DLG2: variants seen among roughly 807,000 people sequenced by gnomAD.
DLG2 encodes the protein discs large MAGUK scaffold protein 2.
DLG2 carries 45 observed loss-of-function variants against 132.5 expected under a neutral mutation model. The ratio of observed to expected loss-of-function variants is 0.34; its 90% CI spans 0.27 to 0.44. The LOEUF (loss-of-function observed/expected upper bound fraction) is 0.44, where lower values mean the gene tolerates loss of function less well. Among genes scored for constraint, DLG2 ranks in the 20% least tolerant of loss-of-function variants. The pLI, the probability that DLG2 is intolerant of heterozygous loss-of-function variation, is 1.00. For missense variants in DLG2, 1,045 were observed against 1,196.9 expected, an observed-to-expected ratio of 0.87 and a Z score of 1.87; for synonymous variants, 424 against 419.6, an observed-to-expected ratio of 1.01 and a Z score of -0.13.
chr11:84,840,910 G>A (rs573150887), intron 6 of DLG2, among the ~76,000 whole-genome samples: 1 of 151,256 alleles, frequency 6.6e-6, no homozygotes, highest in East Asian at 2.0e-4. Flanking sequence ...AATGGGTACA[G>A]CACACCAACA....
intron 11 of DLG2, among the ~76,000 whole-genome samples, chr11:83,999,502 T>C (rs545548650): frequency 5.3e-5 from 8 of 152,270 alleles, no homozygotes; most frequent in African/African-American, 1.9e-4. Context: ...CCCACCTGCC[T>C]GGCTCACTGC....
At chr11:84,222,359 T>C (rs1375485368) in intron 8 of DLG2, among the ~76,000 whole-genome samples, 1 of 152,162 alleles carries the variant, frequency 6.6e-6, no homozygotes, top group Non-Finnish European at 1.5e-5. Context: ...TAAATATTAC[T>C]TTCTGATGAC....
intron 6 of DLG2, among the ~76,000 whole-genome samples, chr11:85,017,439 T>C (rs976298549): frequency 6.6e-6 from 1 of 152,066 alleles, no homozygotes; most frequent in East Asian, 1.9e-4. Context: ...AAATTAATGA[T>C]GACCTTCTCT....
At chr11:83,786,552 GA>G in intron 18 of DLG2, 137 bp downstream of exon 18, 1 of 701,532 alleles carries the variant, frequency 1.4e-6, no homozygotes, top group Middle Eastern at 2.5e-4. Flanking sequence ...CTTTGGACAT[GA>G]ACCATCAATT....
intron 5 of DLG2, among the ~76,000 whole-genome samples, chr11:85,121,444 C>T (rs2074304258): frequency 6.6e-6 from 1 of 151,354 alleles, no homozygotes; most frequent in African/African-American, 2.4e-5. Flanking sequence ...AAATACCATG[C>T]TATATTAAAT....
At chr11:85,176,181 G>A (rs1337182961) in intron 4 of DLG2, among the ~76,000 whole-genome samples, 4 of 152,118 alleles carry the variant, frequency 2.6e-5, no homozygotes, top group African/African-American at 9.7e-5. Flanking sequence ...AAAGAACAAA[G>A]CTGGAGACAT....
At chr11:84,842,137 C>T (rs2080776574) in intron 6 of DLG2, among the ~76,000 whole-genome samples, 1 of 151,974 alleles carries the variant, frequency 6.6e-6, no homozygotes, top group Non-Finnish European at 1.5e-5. Context: ...TTCCCAGTCT[C>T]AGAATCATGA....
chr11:84,653,238 G>T (rs1158291678), intron 6 of DLG2, among the ~76,000 whole-genome samples: 1 of 152,082 alleles, frequency 6.6e-6, no homozygotes, highest in Non-Finnish European at 1.5e-5. Flanking sequence ...CCCAATATTA[G>T]ATTTTTAATA....
chr11:85,408,471 G>T (rs181515816), intron 3 of DLG2, among the ~76,000 whole-genome samples: 1 of 151,064 alleles, frequency 6.6e-6, no homozygotes, highest in African/African-American at 2.4e-5. Flanking sequence ...ATGTATACAT[G>T]TGACATGCTG....
At chr11:84,426,322 A>G (rs1251671652) in intron 7 of DLG2, among the ~76,000 whole-genome samples, 2 of 152,100 alleles carry the variant, frequency 1.3e-5, no homozygotes, top group Admixed American at 6.6e-5. Context: ...CCTAAACCTC[A>G]TATTACCTGG....
intron 6 of DLG2, among the ~76,000 whole-genome samples, chr11:84,540,771 C>G (rs1044381208): frequency 1.3e-4 from 20 of 152,016 alleles, no homozygotes; most frequent in African/African-American, 3.9e-4. Context: ...ATTCACAATA[C>G]CAAAGACTTG....
At chr11:83,654,161 C>T (rs1488406077) in intron 18 of DLG2, among the ~76,000 whole-genome samples, 1 of 152,148 alleles carries the variant, frequency 6.6e-6, no homozygotes, top group Non-Finnish European at 1.5e-5. Context: ...CCACTTCTCA[C>T]CCAATCTGGT....
At position 85,400,070 on chromosome 11, in the gene DLG2, C is replaced by T. The variant is rs574824479; in HGVS notation, c.41-114705G>A. ...TAATATCCAGAATCTACAAAGAACTCAAACAAATTTACAAGAAAAAAACAA... is the reference window on the plus strand; with the variant it reads ...TAATATCCAGAATCTACAAAGAACTTAAACAAATTTACAAGAAAAAAACAA... On this transcript the variant is annotated intron_variant, in intron 3 of 27. Coordinates refer to ENST00000376104, the MANE Select transcript of DLG2 (RefSeq NM_001142699.3). 1.5e-3 allele frequency among the ~76,000 whole-genome samples: 227 copies of T among 151,738 alleles called. 1 individual carries two copies. The Middle Eastern group carries it at 0.027, about 18-fold the overall frequency.
intron 7 of DLG2, among the ~76,000 whole-genome samples, chr11:84,459,108 A>T (rs566907240): frequency 6.6e-6 from 1 of 150,626 alleles, no homozygotes; most frequent in African/African-American, 2.4e-5. Context: ...TATGACATGG[A>T]TCTAACAATT....
At chr11:84,939,178 T>C (rs1486881334) in intron 6 of DLG2, among the ~76,000 whole-genome samples, 2 of 152,098 alleles carry the variant, frequency 1.3e-5, no homozygotes, top group African/African-American at 4.8e-5. Context: ...TTATAACAAG[T>C]ATACAACTCA....
intron 6 of DLG2, chr11:84,545,751 C>CTTTT (rs35596423): frequency 2.4e-4 from 26 of 106,746 alleles, no homozygotes; most frequent in Non-Finnish European, 3.2e-4. Context: ...AGGTGATGTT[C>CTTTT]TTTTTTTTTT....
At chr11:83,525,368 C>A (rs917854415) in intron 21 of DLG2, among the ~76,000 whole-genome samples, 14 of 152,116 alleles carry the variant, frequency 9.2e-5, no homozygotes, top group Non-Finnish European at 2.9e-5. Context: ...TTATCACATT[C>A]AAAAGAAAAC....
chr11:84,084,338 C>A (rs910007804), intron 10 of DLG2, among the ~76,000 whole-genome samples: 1 of 152,156 alleles, frequency 6.6e-6, no homozygotes, highest in Non-Finnish European at 1.5e-5. Flanking sequence ...GGTTTTCCAG[C>A]GTTAGCTTCC....
chr11:83,656,178 T>G (rs922408741), intron 18 of DLG2, among the ~76,000 whole-genome samples: 3 of 152,190 alleles, frequency 2.0e-5, no homozygotes, highest in Non-Finnish European at 2.9e-5. Flanking sequence ...AGGGTGACAC[T>G]CATTAAGAGT....
Sources: gnomAD v4.1 joint callset for allele counts (sites outside exome capture counted in the v4.1 genomes callset) on GRCh38, gnomAD v4.1.1 for gene constraint, MANE v1.5 for transcripts, NCBI Gene and HGNC (gene_info 2026-07-23, HGNC 2026-07-21) for gene names.